CPS1: variants seen among roughly 807,000 people sequenced by gnomAD.
CPS1 encodes carbamoyl-phosphate synthase 1, also known as carbamoyl-phosphate synthase [ammonia], mitochondrial.
In CPS1, 109 loss-of-function variants were observed where a neutral mutation model predicts 174.6. That is an observed-to-expected ratio of 0.62 (90% CI 0.53 to 0.73). The LOEUF is 0.73. Among genes scored for constraint, CPS1 ranks in the 30% least tolerant of loss-of-function variants. CPS1 has a pLI of 0.00. For missense variants in CPS1, 1,689 were observed against 1,821.9 expected (o/e 0.93, Z 1.33); for synonymous variants, 637 against 632.0 (o/e 1.01, Z -0.12).
At chr2:210,542,103 G>T (rs1035917427) in intron 1 of CPS1, among the ~76,000 whole-genome samples, 2 of 151,974 alleles carry the variant, frequency 1.3e-5, no homozygotes, top group Non-Finnish European at 2.9e-5. Context: ...AAAATCTAGG[G>T]TCTACCATTA....
At chr2:210,605,330 C>T in intron 17 of CPS1, 84 bp downstream of exon 17, 1 of 1,421,460 alleles carries the variant, frequency 7.0e-7, no homozygotes, top group Non-Finnish European at 9.9e-7. Flanking sequence ...AAGTTGTTGC[C>T]TTTAAATTAC....
Position 210,637,830 on chromosome 2 carries a change from C to T in CPS1, c.2816C>T (p.Pro939Leu). 1 of 1,613,950 alleles carries T rather than the reference C, an allele frequency of 6.2e-7. No homozygotes were observed. The highest frequency in any genetic ancestry group is 8.5e-7 in the Non-Finnish European group (1 of 1,179,852). Residue 939 changes from proline (P) to leucine (L), a missense_variant, in exon 22 of 38, where the codon CCT becomes CTT. Physicochemically the swap from Pro to Leu is moderately conservative, Grantham distance 98 (BLOSUM62 -3). Transcript: ENST00000233072. ...RELRLKKNIH[P>L]WVKQIDTLAA... ...CTGAGGTTAAAGAAAAACATCCACCCTTGGGTTAAACAGGTAAAGGAGTTT... is the reference window on the plus strand; with the variant it reads ...CTGAGGTTAAAGAAAAACATCCACCTTTGGGTTAAACAGGTAAAGGAGTTT...
At chr2:210,624,268 C>A (rs544889897) in intron 21 of CPS1, among the ~76,000 whole-genome samples, 1 of 152,140 alleles carries the variant, frequency 6.6e-6, no homozygotes, top group Admixed American at 6.5e-5. Flanking sequence ...CAAAAAGAAA[C>A]AACACAAACT....
At chr2:210,544,418 A>G (rs1331575960) in intron 1 of CPS1, among the ~76,000 whole-genome samples, 1 of 152,090 alleles carries the variant, frequency 6.6e-6, no homozygotes, top group Non-Finnish European at 1.5e-5. Context: ...CCACTGTAAT[A>G]GAATGAATTC....
chr2:210,553,655 G>C (rs1696787464), upstream of CPS1, among the ~76,000 whole-genome samples: 1 of 151,742 alleles, frequency 6.6e-6, no homozygotes. Flanking sequence ...ATATGAAGGA[G>C]GACTGTGTAC....
At chr2:210,524,113 C>T (rs1299715563) in intron 1 of CPS1, among the ~76,000 whole-genome samples, 4 of 152,014 alleles carry the variant, frequency 2.6e-5, no homozygotes, top group African/African-American at 9.7e-5. Flanking sequence ...CTTCTCCCAG[C>T]TTCCCCATGC....
intron 1 of CPS1, among the ~76,000 whole-genome samples, chr2:210,542,543 G>C (rs559357115): frequency 3.9e-4 from 59 of 151,778 alleles, no homozygotes; most frequent in Non-Finnish European, 5.4e-4. Flanking sequence ...GGGTGCAAAC[G>C]TCCCCCCTCC....
Position 210,606,712 on chromosome 2 carries a change from G to A in CPS1, c.1982-19G>A. On this transcript the variant is annotated intron_variant, in intron 17 of 37. Coordinates refer to ENST00000233072, the MANE Select transcript of CPS1 (RefSeq NM_001875.5). ...ATTTCAATATGCCACCAAGTAATGAGTGCTTCTTGGATATATAGGTGACTC... is the reference window on the plus strand; with the variant it reads ...ATTTCAATATGCCACCAAGTAATGAATGCTTCTTGGATATATAGGTGACTC... 1 of 1,607,282 alleles carries A rather than the reference G, an allele frequency of 6.2e-7. No individual in the cohort carries two copies. The highest frequency in any genetic ancestry group is 8.5e-7 in the Non-Finnish European group (1 of 1,174,360).
chr2:210,610,940 A>G (rs56681799), intron 19 of CPS1, among the ~76,000 whole-genome samples: 3,048 of 151,998 alleles, frequency 0.02, 105 homozygotes, highest in African/African-American at 0.069. Context: ...TTTCAGATAA[A>G]TTTTAAATAT....
Position 210,588,085 on chromosome 2 carries a change from C to A in CPS1, c.649C>A (p.Pro217Thr). The A allele has an allele frequency of 6.2e-7, 1 of 1,612,906 alleles. No homozygotes were observed. The highest frequency in any genetic ancestry group is 8.5e-7 in the Non-Finnish European group (1 of 1,179,262). ...KDVKVYGKGN[P>T]TKVVAVDCGI... Reference sequence around the variant, plus strand: ...TGTCAAAGTGTACGGCAAAGGAAACCCCACAAAAGTGGTAGCTGTAGACTG... The same window carrying A: ...TGTCAAAGTGTACGGCAAAGGAAACACCACAAAAGTGGTAGCTGTAGACTG... The change falls in exon 7 of 38, where the codon CCC becomes ACC. Residue 217 changes from proline to threonine, a missense_variant. Transcript: ENST00000233072.
At chr2:210,636,650 A>G (rs932075613) in intron 21 of CPS1, among the ~76,000 whole-genome samples, 1 of 152,002 alleles carries the variant, frequency 6.6e-6, no homozygotes, top group African/African-American at 2.4e-5. Context: ...TGGACATGCT[A>G]AACTGTATGA....
chr2:210,642,962 A>G (rs960527440), intron 25 of CPS1, among the ~76,000 whole-genome samples: 6 of 152,228 alleles, frequency 3.9e-5, no homozygotes, highest in African/African-American at 1.4e-4. Flanking sequence ...TGCCAGATAC[A>G]TATTAACTAA....
At chr2:210,628,518 A>C (rs975371307) in intron 21 of CPS1, among the ~76,000 whole-genome samples, 1 of 152,216 alleles carries the variant, frequency 6.6e-6, no homozygotes, top group African/African-American at 2.4e-5. Context: ...TAGGAAAAAA[A>C]TAAGCAGTAG....
intron 1 of CPS1, among the ~76,000 whole-genome samples, chr2:210,505,178 G>T (rs1367681349): frequency 3.3e-5 from 5 of 151,834 alleles, no homozygotes; most frequent in Non-Finnish European, 4.4e-5. Context: ...TGCAAAGAAA[G>T]CACCTAGAAG....
At chr2:210,629,275 T>C (rs1226734128) in intron 21 of CPS1, among the ~76,000 whole-genome samples, 3 of 152,204 alleles carry the variant, frequency 2.0e-5, no homozygotes, top group Non-Finnish European at 4.4e-5. Flanking sequence ...GTTAATCCAA[T>C]TGGCTCAAGC....
At chr2:210,556,994 T>C (rs1463122728) in intron 1 of CPS1, 135 bp downstream of exon 1, 10 of 1,042,772 alleles carry the variant, frequency 9.6e-6, no homozygotes, top group Non-Finnish European at 1.2e-5. Context: ...TTTCCTTTAC[T>C]GTGGAACCTA....
intron 1 of CPS1, among the ~76,000 whole-genome samples, chr2:210,526,339 A>G (rs1695972081): frequency 6.6e-6 from 1 of 151,752 alleles, no homozygotes; most frequent in Non-Finnish European, 1.5e-5. Context: ...TATGTAACAA[A>G]CCTGCACATT....
intron 33 of CPS1, 69 bp downstream of exon 33, chr2:210,663,266 A>C (rs1700984738): frequency 1.4e-6 from 2 of 1,417,950 alleles, no homozygotes; most frequent in East Asian, 4.6e-5. Context: ...TATGATTTGA[A>C]TACAGTAAAA....
At chr2:210,502,388 T>TATATATATA (rs1171169071) in intron 1 of CPS1, among the ~76,000 whole-genome samples, 6 of 146,844 alleles carry the variant, frequency 4.1e-5, no homozygotes, top group Non-Finnish European at 7.5e-5. Context: ...TATTTTTTTA[T>TATATATATA]ATATATGTAT....
Sources: gnomAD v4.1 joint callset for allele counts (sites outside exome capture counted in the v4.1 genomes callset) on GRCh38, gnomAD v4.1.1 for gene constraint, MANE v1.5 for transcripts, NCBI Gene and HGNC (gene_info 2026-07-23, HGNC 2026-07-21) for gene names.